The following CDK5RAP2 variants were observed in gnomAD, a reference collection of about 807,000 sequenced individuals.
The protein encoded by CDK5RAP2 is CDK5 regulatory subunit-associated protein 2.
Under a neutral mutation model 232.9 loss-of-function variants are expected in CDK5RAP2, and 147 were observed. The observed-to-expected ratio is 0.63, with a 90% CI of 0.55 to 0.72. The LOEUF is 0.72. CDK5RAP2 is among the 30% of genes least tolerant of loss of function. CDK5RAP2 has a pLI of 0.00. For synonymous variants in CDK5RAP2, 833 were observed against 833.7 expected (o/e 1.00, Z 0.01); for missense variants, 2,195 against 2,231.5 (o/e 0.98, Z 0.33).
chr9:120,439,916 G>A lies in CDK5RAP2; in HGVS notation c.3205C>T (p.Pro1069Ser), dbSNP rs778681238. ...GAAGTTGGGCTCAGAACATCTTCAG[G>A]ATTTTCTTTGCATGATGGCAAGCTG... ...LASLPSCKEN[P>S]EDVLSPTSVA... is the part of the protein sequence containing the mutation. The change falls in exon 24 of 38, where the codon CCT becomes TCT. Residue 1069 changes from proline (P) to serine (S), a missense_variant. By Grantham distance (74) the Pro-to-Ser change is moderately conservative. Coordinates refer to ENST00000349780, the MANE Select transcript of CDK5RAP2 (RefSeq NM_018249.6). The A allele has an allele frequency of 7.4e-6, 12 of 1,614,040 alleles. No individual in the cohort carries two copies. Among genetic ancestry groups the A allele is most frequent in the Non-Finnish European group, 8.5e-7 (1 of 1,180,034 alleles).
chr9:120,410,303 C>A (rs1041033190), intron 29 of CDK5RAP2, among the ~76,000 whole-genome samples: 2 of 152,188 alleles, frequency 1.3e-5, no homozygotes, highest in East Asian at 1.9e-4. Context: ...CCTTCCTGAA[C>A]GGCCTAGACT....
In CDK5RAP2 at chr9:120,498,718, AATAT is replaced by A. The variant is rs145678067; in HGVS notation, c.1312-7245_1312-7242del. The stretch of plus-strand genomic sequence containing the variant: ...ATTATTTCAAAATAAAAAGGCTTTA[AATAT>A]ATATATATATATATATCAACGGGTG... On this transcript the variant is annotated intron_variant, in intron 12 of 37. Transcript: ENST00000349780. Among the ~76,000 whole-genome samples, 20 of 147,328 alleles carry A rather than the reference AATAT, an allele frequency of 1.4e-4. 1 individual carries two copies. In the South Asian group the frequency reaches 3.4e-3, roughly 25 times the overall value.
chr9:120,484,766 G>T (rs113603025), intron 14 of CDK5RAP2, among the ~76,000 whole-genome samples: 4,155 of 152,132 alleles, frequency 0.027, 199 homozygotes, highest in African/African-American at 0.093. Context: ...CTCACTCTGT[G>T]ACCCAGGCTG....
chr9:120,533,425 C>G (rs936452773), intron 7 of CDK5RAP2, among the ~76,000 whole-genome samples: 2 of 152,150 alleles, frequency 1.3e-5, no homozygotes, highest in African/African-American at 4.8e-5. Context: ...CCTCTCCCTC[C>G]ACCCAAAAAC....
chr9:120,545,742 C>T lies in CDK5RAP2; in HGVS notation c.355G>A (p.Glu119Lys), dbSNP rs376990082. ...EVESLKRELQ[E>K]REQLLIKASK... ...GCTTTGATGAGCAGCTGCTCTCTCTCCTGGAGTTCCCGCTTCAGACTTTCT... is the reference window on the plus strand; with the variant it reads ...GCTTTGATGAGCAGCTGCTCTCTCTTCTGGAGTTCCCGCTTCAGACTTTCT... Residue 119 changes from glutamate to lysine, a missense_variant, in exon 5 of 38, where the codon GAG becomes AAG. Transcript: ENST00000349780. 1.2e-6 allele frequency: 2 copies of T among 1,613,958 alleles called. No individual in the cohort carries two copies. The highest frequency in any genetic ancestry group is 1.7e-6 in the Non-Finnish European group (2 of 1,179,866).
At chr9:120,460,812 T>C in intron 18 of CDK5RAP2, 145 bp from the exon 19 acceptor site, 1 of 1,397,348 alleles carries the variant, frequency 7.2e-7, no homozygotes, top group Non-Finnish European at 9.7e-7. Context: ...GCCAAAGCCA[T>C]GAAATAAAAA....
chr9:120,447,465 T>C (rs745719479), intron 22 of CDK5RAP2, among the ~76,000 whole-genome samples: 1 of 152,178 alleles, frequency 6.6e-6, no homozygotes, highest in Non-Finnish European at 1.5e-5. Flanking sequence ...GGGTTACTTC[T>C]AGAGGAAGAC....
intron 4 of CDK5RAP2, 119 bp from the exon 5 acceptor site, chr9:120,545,909 G>T: frequency 1.3e-6 from 1 of 792,874 alleles, no homozygotes; most frequent in Non-Finnish European, 2.2e-6. Context: ...ATAGGCAGAT[G>T]TTAGATTCCA....
Position 120,434,341 on chromosome 9 carries a change from G to C in CDK5RAP2, c.3955+2954C>G, listed in dbSNP as rs550230885. On this transcript the variant is annotated intron_variant, in intron 25 of 37. Transcript: ENST00000349780. ...GTAGCTGGGGAGGGGAAGCAGGAGA[G>C]GGTGGGGCGGCAGAAGTAAGGAGAG... 8.5e-5 allele frequency among the ~76,000 whole-genome samples: 13 copies of C among 152,310 alleles called. No individual in the cohort carries two copies. The East Asian group carries it at 1.7e-3, about 20-fold the overall frequency.
rs762863758 is a variant in CDK5RAP2, at chr9:120,439,685, C to T, written c.3436G>A (p.Val1146Ile). The T allele has an allele frequency of 1.2e-6, 2 of 1,614,228 alleles. No individual in the cohort carries two copies. Among genetic ancestry groups the T allele is most frequent in the South Asian group, 1.1e-5 (1 of 91,084 alleles). ...HSQCSEAIIT[V>I]LCGTEGAQDG... ...TGGGCCCCTTCTGTCCCACACAAAACTGTAATTATGGCCTCACTGCACTGG... is the reference window on the plus strand; with the variant it reads ...TGGGCCCCTTCTGTCCCACACAAAATTGTAATTATGGCCTCACTGCACTGG... Residue 1146 changes from valine (V) to isoleucine (I), a missense_variant, in exon 24 of 38, where the codon GTT (valine) becomes ATT (isoleucine). By Grantham distance (29) the Val-to-Ile change is conservative. Transcript: ENST00000349780.
At chr9:120,576,056 G>T (rs1485611022) in intron 1 of CDK5RAP2, among the ~76,000 whole-genome samples, 1 of 152,084 alleles carries the variant, frequency 6.6e-6, no homozygotes. Flanking sequence ...TCTAAATCCT[G>T]GTTGCAACCT....
chr9:120,509,368 G>A (rs2039973563), intron 12 of CDK5RAP2, among the ~76,000 whole-genome samples: 1 of 152,184 alleles, frequency 6.6e-6, no homozygotes, highest in African/African-American at 2.4e-5. Context: ...GGAAAGAAAA[G>A]AAGGAATCGG....
chr9:120,569,084 A>G (rs2042753136), intron 2 of CDK5RAP2, among the ~76,000 whole-genome samples: 1 of 152,232 alleles, frequency 6.6e-6, no homozygotes, highest in Admixed American at 6.5e-5. Context: ...GGTGAAGGAG[A>G]CACTAATCCT....
chr9:120,421,256 A>C (rs1040367516), intron 26 of CDK5RAP2, among the ~76,000 whole-genome samples: 1 of 151,868 alleles, frequency 6.6e-6, no homozygotes, highest in Non-Finnish European at 1.5e-5. Context: ...CAGCCCCTTC[A>C]ACTCTCACCC....
intron 5 of CDK5RAP2, among the ~76,000 whole-genome samples, chr9:120,540,092 A>C (rs1423837330): frequency 6.6e-6 from 1 of 152,246 alleles, no homozygotes; most frequent in African/African-American, 2.4e-5. Flanking sequence ...CAGAGTACAC[A>C]CTGCTAGAGC....
Position 120,467,986 on chromosome 9 carries a change from A to G in CDK5RAP2, c.1980T>C (p.Leu660=). The G allele has an allele frequency of 6.2e-7, 1 of 1,614,076 alleles. No individual in the cohort carries two copies. Among genetic ancestry groups the G allele is most frequent in the Non-Finnish European group, 8.5e-7 (1 of 1,179,970 alleles). ...TATACAGCTCCTTCACTAGCTGTAT[A>G]AGGTCACTGACCTAGGAGGTAAGAA... is the stretch of plus-strand genomic sequence containing the variant. ...QEELKKKVSD[L]IQLVKELYTD... Residue 660 remains leucine, a synonymous_variant, in exon 18 of 38, where the codon CTT becomes CTC. Transcript: ENST00000349780.
intron 29 of CDK5RAP2, among the ~76,000 whole-genome samples, chr9:120,409,667 C>T (rs1417121749): frequency 1.3e-5 from 2 of 152,260 alleles, no homozygotes; most frequent in Non-Finnish European, 2.9e-5. Context: ...AGGCCTTCTA[C>T]CAGCCTAGCA....
chr9:120,545,852 C>T, intron 4 of CDK5RAP2, 62 bp from the exon 5 acceptor site: 1 of 1,314,344 alleles, frequency 7.6e-7, no homozygotes, highest in Non-Finnish European at 1.1e-6. Context: ...TGAATGTCAA[C>T]AATGGGGAAA....
intron 25 of CDK5RAP2, among the ~76,000 whole-genome samples, chr9:120,428,111 G>A (rs1450233893): frequency 1.3e-5 from 2 of 152,208 alleles, no homozygotes; most frequent in Non-Finnish European, 2.9e-5. Context: ...AAAGGAGTGT[G>A]TAGAGGGAAA....
Sources: gnomAD v4.1 joint callset for allele counts (sites outside exome capture counted in the v4.1 genomes callset) on GRCh38, gnomAD v4.1.1 for gene constraint, MANE v1.5 for transcripts, NCBI Gene and HGNC (gene_info 2026-07-23, HGNC 2026-07-21) for gene names.